Variants in TXNRD1 observed in about 807,000 individuals in gnomAD.
TXNRD1 encodes thioredoxin reductase 1.
In TXNRD1, 57 loss-of-function variants were observed where a neutral mutation model predicts 80.3. That is an observed-to-expected ratio of 0.71 (90% CI 0.57 to 0.89). The LOEUF (loss-of-function observed/expected upper bound fraction) is 0.89, where lower values mean the gene tolerates loss of function less well. Ranked by LOEUF, TXNRD1 falls within the 40% of genes least tolerant of loss-of-function variation. The pLI, the probability that TXNRD1 is intolerant of heterozygous loss-of-function variation, is 0.00. For synonymous variants in TXNRD1, 291 were observed against 285.2 expected, an observed-to-expected ratio of 1.02 and a Z score of -0.20; for missense variants, 730 against 803.0, an observed-to-expected ratio of 0.91 and a Z score of 1.10.
chr12:104,295,370 C>A (rs2034402973), intron 4 of TXNRD1, among the ~76,000 whole-genome samples: 1 of 152,198 alleles, frequency 6.6e-6, no homozygotes, highest in Non-Finnish European at 1.5e-5. Flanking sequence ...ACCATTTCAT[C>A]AGTCTTTAAC....
chr12:104,321,069 C>CTTTT (rs80130284), intron 9 of TXNRD1, 22 bp from the exon 10 acceptor site: 4 of 1,298,146 alleles, frequency 3.1e-6, no homozygotes, highest in South Asian at 1.3e-5. Flanking sequence ...TTCTTTCTTC[C>CTTTT]TTTTTTTTTT....
intron 1 of TXNRD1, among the ~76,000 whole-genome samples, chr12:104,248,976 C>T (rs1046754340): frequency 1.3e-5 from 2 of 152,206 alleles, no homozygotes; most frequent in African/African-American, 4.8e-5. Flanking sequence ...GCCACCGCCC[C>T]GGGCCCAGAG....
chr12:104,230,368 C>T (rs1234468416), intron 1 of TXNRD1, among the ~76,000 whole-genome samples: 2 of 152,234 alleles, frequency 1.3e-5, no homozygotes, highest in African/African-American at 2.4e-5. Context: ...TGTGCCCAGC[C>T]ATGTTTAACT....
chr12:104,334,416 TC>T, intron 15 of TXNRD1, 84 bp downstream of exon 15: 2 of 786,704 alleles, frequency 2.5e-6, no homozygotes, highest in Non-Finnish European at 3.6e-6. Flanking sequence ...GGAGTCTTGC[TC>T]TGTTGCCCAG....
chr12:104,304,560 A>G (rs183928257), intron 4 of TXNRD1: 2 of 1,614,078 alleles, frequency 1.2e-6, no homozygotes, highest in East Asian at 4.5e-5. Context: ...CAGAAGTTGG[A>G]CCTGAGTAGT....
At position 104,245,540 on chromosome 12, in the gene TXNRD1, AAAG is replaced by A. The variant is rs1485803612; in HGVS notation, c.92-5984_92-5982del. Among the ~76,000 whole-genome samples the A allele has an allele frequency of 7.5e-5, 11 of 147,462 alleles. No individual in the cohort carries two copies. In the East Asian group the frequency reaches 2.2e-3, roughly 29 times the overall value. ...CTCAAAAAAAAAAAAAAAAAAAAAA[AAAG>A]AATACTGAGTTAAAAGGTATGGCCA... On this transcript the variant is annotated intron_variant, in intron 1 of 16. Transcript: ENST00000525566.
chr12:104,333,011 A>T (rs1478187210), intron 14 of TXNRD1, among the ~76,000 whole-genome samples: 4 of 151,668 alleles, frequency 2.6e-5, no homozygotes, highest in African/African-American at 7.3e-5. Context: ...TTTAGGTCCA[A>T]GCTTAATATT....
chr12:104,222,331 G>A (rs755155562), intron 1 of TXNRD1, among the ~76,000 whole-genome samples: 9 of 152,040 alleles, frequency 5.9e-5, no homozygotes, highest in Non-Finnish European at 1.2e-4. Flanking sequence ...GTAAATGACC[G>A]CTGTCAAAGT....
At chr12:104,274,306 G>C (rs534323718) in intron 3 of TXNRD1, among the ~76,000 whole-genome samples, 17 of 152,228 alleles carry the variant, frequency 1.1e-4, no homozygotes, top group Admixed American at 6.5e-4. Flanking sequence ...GCCATCAACT[G>C]TCTCGGGCTT....
chr12:104,254,644 A>AAATATATATATATATATAT, intron 2 of TXNRD1, among the ~76,000 whole-genome samples: 32 of 93,624 alleles, frequency 3.4e-4, no homozygotes, highest in Non-Finnish European at 2.7e-4. Flanking sequence ...AAAAAAAAAA[A>AAATATATATATATATATAT]ATATATATAT....
At chr12:104,268,881 A>C (rs947264848) in intron 3 of TXNRD1, among the ~76,000 whole-genome samples, 1 of 151,286 alleles carries the variant, frequency 6.6e-6, no homozygotes, top group East Asian at 1.9e-4. Flanking sequence ...TTATCAATTA[A>C]ATTTATGTCA....
chr12:104,229,976 T>C (rs2032578944), intron 1 of TXNRD1, among the ~76,000 whole-genome samples: 1 of 152,198 alleles, frequency 6.6e-6, no homozygotes, highest in Admixed American at 6.5e-5. Flanking sequence ...AGAACCATCA[T>C]GTACAAGTTT....
intron 11 of TXNRD1, 44 bp downstream of exon 11, chr12:104,325,473 A>G: frequency 7.2e-7 from 1 of 1,394,090 alleles, no homozygotes; most frequent in Non-Finnish European, 1.0e-6. Context: ...AAAGCAAATA[A>G]CATGCTTATT....
chr12:104,301,927 C>G lies in TXNRD1; in HGVS notation c.415-9363C>G, dbSNP rs35663878. Among the ~76,000 whole-genome samples, 1,173 of 152,276 alleles carry G rather than the reference C, an allele frequency of 7.7e-3. 16 individuals are homozygous for G. Among genetic ancestry groups the G allele is most frequent in the African/African-American group, 0.024 (1,016 of 41,540 alleles). On this transcript the variant is annotated intron_variant, in intron 4 of 16. Transcript: ENST00000525566. The stretch of plus-strand genomic sequence containing the variant: ...CTTTCAGTGTGTAGGATTAATTCCA[C>G]GAATCTGTGAACTTAAATCTTTGCT...
At position 104,288,926 on chromosome 12, in the gene TXNRD1, C is replaced by T. The variant is rs368241533; in HGVS notation, c.305-5C>T. On this transcript the variant is annotated splice_region_variant and splice_polypyrimidine_tract_variant and intron_variant, in intron 3 of 16. Transcript: ENST00000525566. ...CACGCTCCGCTCTGCTTTTGTGCCA[C>T]ACAGAGGACGGTCGGGCCCTGGAAG... 689 of 1,613,908 alleles carry T rather than the reference C, an allele frequency of 4.3e-4. No individual in the cohort carries two copies. The highest frequency in any genetic ancestry group is 5.7e-4 in the Non-Finnish European group (670 of 1,179,894).
At position 104,290,718 on chromosome 12, in the gene TXNRD1, T is replaced by TAA. The variant is rs1328401647; in HGVS notation, c.414+1679_414+1680insAA. ...TCTCAAAAAAAAAAAAAAAGAAATA[T>TAA]ACATATATATATATATATATATATA... On this transcript the variant is annotated intron_variant, in intron 4 of 16. Transcript: ENST00000525566. Among the ~76,000 whole-genome samples the TAA allele has an allele frequency of 1.5e-3, 109 of 71,210 alleles. 1 individual carries two copies. Among genetic ancestry groups the TAA allele is most frequent in the Non-Finnish European group, 2.2e-3 (83 of 38,296 alleles). 46.7% of individuals were successfully genotyped at this position (71,210 alleles called of 152,430 possible).
At chr12:104,303,921 C>A in intron 4 of TXNRD1, 1 of 1,569,686 alleles carries the variant, frequency 6.4e-7, no homozygotes, top group Non-Finnish European at 8.6e-7. Flanking sequence ...TAGGCGGCGG[C>A]GGAGGGAGCG....
chr12:104,320,511 C>G (rs1411073823), intron 9 of TXNRD1, among the ~76,000 whole-genome samples: 2 of 152,158 alleles, frequency 1.3e-5, no homozygotes, highest in African/African-American at 4.8e-5. Context: ...CAGACAATAG[C>G]AGGCTCCCTT....
intron 4 of TXNRD1, among the ~76,000 whole-genome samples, chr12:104,310,836 T>G (rs1338837898): frequency 6.6e-6 from 1 of 152,220 alleles, no homozygotes; most frequent in Non-Finnish European, 1.5e-5. Flanking sequence ...TTGACAGTTT[T>G]GTTCTGAATT....
Sources: gnomAD v4.1 joint callset for allele counts (sites outside exome capture counted in the v4.1 genomes callset) on GRCh38, gnomAD v4.1.1 for gene constraint, MANE v1.5 for transcripts, NCBI Gene and HGNC (gene_info 2026-07-23, HGNC 2026-07-21) for gene names.